Variants in MYOM1 observed in about 807,000 individuals in gnomAD.
The protein encoded by MYOM1 is myomesin-1.
In MYOM1, 164 loss-of-function variants were observed where a neutral mutation model predicts 205.3. That is an observed-to-expected ratio of 0.80 (90% confidence interval 0.70 to 0.91). The LOEUF (loss-of-function observed/expected upper bound fraction) is 0.91. Among genes scored for constraint, MYOM1 ranks in the 40% least tolerant of loss-of-function variants. The pLI is 0.00. For synonymous variants in MYOM1, 772 were observed against 789.4 expected (o/e 0.98, Z 0.37); for missense variants, 2,011 against 2,127.3 (o/e 0.95, Z 1.08).
intron 2 of MYOM1, among the ~76,000 whole-genome samples, chr18:3,202,185 T>C (rs545170745): frequency 7.2e-4 from 109 of 152,158 alleles, no homozygotes; most frequent in African/African-American, 2.2e-3. Flanking sequence ...CCTAGGAAAA[T>C]AGCTCAAAGA....
intron 5 of MYOM1, among the ~76,000 whole-genome samples, chr18:3,178,236 T>C (rs2080677768): frequency 6.6e-6 from 1 of 152,226 alleles, no homozygotes; most frequent in Non-Finnish European, 1.5e-5. Context: ...CTCTAAGCGC[T>C]TTATGCATAC....
At chr18:3,194,691 T>C (rs1264856068) in intron 2 of MYOM1, among the ~76,000 whole-genome samples, 1 of 152,172 alleles carries the variant, frequency 6.6e-6, no homozygotes, top group East Asian at 1.9e-4. Flanking sequence ...AGAATAGTCT[T>C]AATTTATATA....
At chr18:3,232,082 C>T in the MYOM1 span, among the ~76,000 whole-genome samples, 1 of 151,728 alleles carries the variant, frequency 6.6e-6, no homozygotes, top group Non-Finnish European at 1.5e-5. Flanking sequence ...GTAATCCCAG[C>T]ACTTTGGGAG....
At chr18:3,123,823 A>T (rs7236832) in intron 19 of MYOM1, among the ~76,000 whole-genome samples, 2 of 61,702 alleles carry the variant, frequency 3.2e-5, no homozygotes, top group South Asian at 8.1e-4. Context: ...ATTTATTTTT[A>T]TTTATTTATT....
At chr18:3,187,056 T>C (rs1397648009) in intron 5 of MYOM1, among the ~76,000 whole-genome samples, 1 of 151,984 alleles carries the variant, frequency 6.6e-6, no homozygotes, top group Non-Finnish European at 1.5e-5. Flanking sequence ...GATGGGAGTT[T>C]TAGTTAAAGG....
chr18:3,113,255 T>C (rs2079555434), intron 21 of MYOM1, among the ~76,000 whole-genome samples: 1 of 149,400 alleles, frequency 6.7e-6, no homozygotes, highest in Non-Finnish European at 1.5e-5. Flanking sequence ...CACATCTATG[T>C]GTGTATATGT....
At chr18:3,070,086 AT>A (rs1598641560) in intron 37 of MYOM1, among the ~76,000 whole-genome samples, 1 of 152,170 alleles carries the variant, frequency 6.6e-6, no homozygotes, top group East Asian at 1.9e-4. Context: ...GAAGTGGAAA[AT>A]TTGTTCCACT....
intron 4 of MYOM1, among the ~76,000 whole-genome samples, chr18:3,188,156 A>G (rs969651503): frequency 1.3e-5 from 2 of 151,992 alleles, no homozygotes; most frequent in East Asian, 1.9e-4. Context: ...TTACTTCTCC[A>G]AGGTGGATTT....
the MYOM1 span, among the ~76,000 whole-genome samples, chr18:3,229,457 T>C: frequency 6.6e-6 from 1 of 152,064 alleles, no homozygotes; most frequent in Non-Finnish European, 1.5e-5. Flanking sequence ...AAGAAAGCTA[T>C]AAATATTTTG....
chr18:3,149,211 GACA>G lies in MYOM1; in HGVS notation c.1844-13_1844-11del. The G allele has an allele frequency of 6.2e-7, 1 of 1,608,558 alleles. No individual in the cohort carries two copies. Among genetic ancestry groups the G allele is most frequent in the African/African-American group, 1.3e-5 (1 of 74,824 alleles). On this transcript the variant is annotated splice_polypyrimidine_tract_variant and intron_variant, in intron 12 of 37. Coordinates refer to ENST00000356443, the MANE Select transcript of MYOM1 (RefSeq NM_003803.4). The stretch of plus-strand genomic sequence containing the variant: ...GGTGCTGAGGGGCGACCTGAATAAA[GACA>G]AATATAAGAATCACAAACGTTTACA...
At chr18:3,175,713 C>T (rs2080628554) in intron 6 of MYOM1, among the ~76,000 whole-genome samples, 1 of 152,134 alleles carries the variant, frequency 6.6e-6, no homozygotes, top group Admixed American at 6.6e-5. Flanking sequence ...AATATAAATG[C>T]CTCTTTATGC....
chr18:3,138,844 T>G (rs2080008490), intron 14 of MYOM1, among the ~76,000 whole-genome samples: 1 of 152,196 alleles, frequency 6.6e-6, no homozygotes, highest in Admixed American at 6.5e-5. Context: ...CTGGGAAGAT[T>G]GAAAGGTGGC....
chr18:3,201,216 T>C (rs1373748760), intron 2 of MYOM1, among the ~76,000 whole-genome samples: 2 of 151,974 alleles, frequency 1.3e-5, no homozygotes, highest in Admixed American at 6.6e-5. Context: ...CTGTCCAACA[T>C]GGTGGAACCC....
intron 13 of MYOM1, among the ~76,000 whole-genome samples, chr18:3,146,289 T>C (rs2080121934): frequency 6.6e-6 from 1 of 152,030 alleles, no homozygotes. Context: ...AACCAAGACT[T>C]TACTGGGAAA....
At chr18:3,085,271 T>G (rs1052604345) in intron 30 of MYOM1, 139 bp from the exon 31 acceptor site, 24 of 442,090 alleles carry the variant, frequency 5.4e-5, no homozygotes, top group Non-Finnish European at 8.5e-5. Flanking sequence ...TTTTTTTTTT[T>G]TGAGACAAGG....
At chr18:3,178,967 G>A (rs889279981) in intron 5 of MYOM1, among the ~76,000 whole-genome samples, 8 of 151,712 alleles carry the variant, frequency 5.3e-5, no homozygotes, top group African/African-American at 1.9e-4. Flanking sequence ...TCCCAGGCTC[G>A]AGCAATCTTC....
chr18:3,177,445 C>CATTATTATTATTATT lies in MYOM1; in HGVS notation c.930-1326_930-1312dup, dbSNP rs138933689. Among the ~76,000 whole-genome samples the CATTATTATTATTATT allele has an allele frequency of 7.1e-3, 986 of 139,242 alleles. 8 individuals are homozygous for CATTATTATTATTATT. The highest frequency in any genetic ancestry group is 0.015 in the East Asian group (74 of 4,858). 91.3% of individuals were successfully genotyped at this position (139,242 alleles called of 152,430 possible). On this transcript the variant is annotated intron_variant, in intron 5 of 37. Transcript: ENST00000356443. ...TCTTGCATGTTGTTAGAAGCAATAT[C>CATTATTATTATTATT]ATTATTATTATTATTATTATTATTA...
chr18:3,100,051 T>G (rs17183854), intron 25 of MYOM1, 108 bp downstream of exon 25: 15,883 of 1,132,112 alleles, frequency 0.014, 177 homozygotes, highest in Non-Finnish European at 0.016. Flanking sequence ...CATTATATGT[T>G]CTCAAGAGTC....
intron 2 of MYOM1, among the ~76,000 whole-genome samples, chr18:3,203,795 A>G (rs1257894751): frequency 6.6e-6 from 1 of 151,626 alleles, no homozygotes; most frequent in African/African-American, 2.4e-5. Context: ...TCAGTATTAC[A>G]TGATATCAAA....
Sources: gnomAD v4.1 joint callset for allele counts (sites outside exome capture counted in the v4.1 genomes callset) on GRCh38, gnomAD v4.1.1 for gene constraint, MANE v1.5 for transcripts, NCBI Gene and HGNC (gene_info 2026-07-23, HGNC 2026-07-21) for gene names.